DNMT3B: variants seen among roughly 807,000 people sequenced by gnomAD.
DNMT3B encodes the protein DNA methyltransferase 3 beta.
DNMT3B carries 37 observed loss-of-function variants against 120.2 expected under a neutral mutation model. The observed-to-expected ratio is 0.31, with a 90% CI of 0.24 to 0.40. The LOEUF is 0.40. Among genes scored for constraint, DNMT3B ranks in the 10% least tolerant of loss-of-function variants. DNMT3B has a pLI of 1.00. For synonymous variants in DNMT3B, 412 were observed against 442.8 expected (o/e 0.93, Z 0.87); for missense variants, 878 against 1,137.3 (o/e 0.77, Z 3.28).
intron 22 of DNMT3B, 87 bp downstream of exon 22, chr20:32,806,414 A>G: frequency 8.2e-7 from 1 of 1,225,404 alleles, no homozygotes; most frequent in Non-Finnish European, 1.2e-6. Context: ...TTCATTCTTG[A>G]TGGCCTCACT....
intron 4 of DNMT3B, 86 bp from the exon 5 acceptor site, chr20:32,786,416 C>T (rs1279404193): frequency 6.3e-7 from 1 of 1,597,084 alleles, no homozygotes; most frequent in East Asian, 2.2e-5. Flanking sequence ...TCTCCTTGGC[C>T]ACCTGAAGGC....
chr20:32,776,943 G>C (rs969848279), intron 1 of DNMT3B, among the ~76,000 whole-genome samples: 12 of 152,168 alleles, frequency 7.9e-5, no homozygotes, highest in East Asian at 1.9e-4. Flanking sequence ...GAAGCGGGGT[G>C]GGGGAGGAAC....
intron 8 of DNMT3B, 146 bp downstream of exon 8, chr20:32,791,854 G>A (rs1254427968): frequency 2.4e-6 from 2 of 826,798 alleles, no homozygotes; most frequent in Non-Finnish European, 4.0e-6. Flanking sequence ...TAACATGATG[G>A]CCACCGGATT....
rs201465442 is a variant in DNMT3B, at chr20:32,796,822, G to A, written c.1330G>A (p.Val444Met). Residue 444 changes from valine (V) to methionine (M), a missense_variant, in exon 13 of 23, where the codon GTG becomes ATG. This residue lies in a region of DNMT3B where 207 missense variants were observed against 222.6 expected (regional missense o/e 0.93). Coordinates refer to ENST00000328111, the MANE Select transcript of DNMT3B (RefSeq NM_006892.4). ...GCLSCGRKNP[V>M]SFHPLFEGGL... ...TTTGTCTTGTGGCAGGAAAAACCCCGTGTCCTTCCACCCTCTCTTTGAGGG... is the reference window on the plus strand; with the variant it reads ...TTTGTCTTGTGGCAGGAAAAACCCCATGTCCTTCCACCCTCTCTTTGAGGG... 104 of 1,613,994 alleles carry A rather than the reference G, an allele frequency of 6.4e-5. No homozygotes were observed. The highest frequency in any genetic ancestry group is 4.9e-4 in the Middle Eastern group (3 of 6,076).
At chr20:32,786,425 G>A in intron 4 of DNMT3B, 77 bp from the exon 5 acceptor site, 2 of 1,607,568 alleles carry the variant, frequency 1.2e-6, no homozygotes, top group South Asian at 1.1e-5. Context: ...CCACCTGAAG[G>A]CCTAATCCTT....
At chr20:32,769,146 G>A (rs751526739) in intron 1 of DNMT3B, among the ~76,000 whole-genome samples, 20 of 151,682 alleles carry the variant, frequency 1.3e-4, no homozygotes, top group Admixed American at 3.9e-4. Context: ...GTGCAGTGGC[G>A]AGATCTCGGC....
At chr20:32,771,439 G>A (rs1012459145) in intron 1 of DNMT3B, among the ~76,000 whole-genome samples, 4 of 152,012 alleles carry the variant, frequency 2.6e-5, no homozygotes, top group Admixed American at 6.6e-5. Context: ...TCAGGAGTTC[G>A]AGACCAGCCT....
At chr20:32,782,983 C>T (rs1978807082) in intron 3 of DNMT3B, among the ~76,000 whole-genome samples, 1 of 152,134 alleles carries the variant, frequency 6.6e-6, no homozygotes, top group Non-Finnish European at 1.5e-5. Flanking sequence ...AGTGCAATGG[C>T]ATGATCTCTG....
rs776367099 is a variant in DNMT3B at position 32,784,726 on chromosome 20, C to CTTCATCATG, written c.205-20_205-12dup. 4 of 1,611,560 alleles carry CTTCATCATG rather than the reference C, an allele frequency of 2.5e-6. No individual in the cohort carries two copies. In the South Asian group the frequency reaches 4.4e-5, roughly 18 times the overall value. On this transcript the variant is annotated intron_variant, in intron 3 of 22. Coordinates refer to ENST00000328111, the MANE Select transcript of DNMT3B (RefSeq NM_006892.4). ...CTTTGACTTGCTGATACCCTGGGGT[C>CTTCATCATG]TTCATCATGTTCATCATGTTTCCTT...
intron 15 of DNMT3B, among the ~76,000 whole-genome samples, 171 bp downstream of exon 15, chr20:32,798,814 G>C (rs2424923): frequency 0.012 from 1,849 of 152,348 alleles, 34 homozygotes; most frequent in African/African-American, 0.041. Flanking sequence ...GTTTTCAGCC[G>C]TGCCAGGGTT....
intron 20 of DNMT3B, among the ~76,000 whole-genome samples, chr20:32,803,579 T>G (rs1314080988): frequency 2.0e-5 from 3 of 152,218 alleles, no homozygotes; most frequent in Non-Finnish European, 4.4e-5. Context: ...ATGTCGATAG[T>G]GACATGCCGA....
At chr20:32,800,781 A>T in intron 17 of DNMT3B, 54 bp from the exon 18 acceptor site, 1 of 1,590,016 alleles carries the variant, frequency 6.3e-7, no homozygotes, top group Non-Finnish European at 8.6e-7. Context: ...AAGTGGGTCC[A>T]GCTCTCTTTC....
At chr20:32,771,976 T>C (rs1192181221) in intron 1 of DNMT3B, among the ~76,000 whole-genome samples, 2 of 152,236 alleles carry the variant, frequency 1.3e-5, no homozygotes, top group Non-Finnish European at 2.9e-5. Context: ...GAAGAAATGC[T>C]GCAGAGAAAT....
chr20:32,774,830 C>T (rs918273782), intron 1 of DNMT3B, among the ~76,000 whole-genome samples: 20 of 152,062 alleles, frequency 1.3e-4, no homozygotes, highest in African/African-American at 4.8e-4. Flanking sequence ...AGTGATTATC[C>T]TGCCCAGCCT....
intron 1 of DNMT3B, among the ~76,000 whole-genome samples, chr20:32,767,295 G>A (rs371967878): frequency 5.3e-5 from 8 of 150,510 alleles, no homozygotes; most frequent in East Asian, 1.9e-4. Flanking sequence ...TCGTGTTCCC[G>A]CCAATATTAA....
At chr20:32,790,979 A>G (rs1979910876) in intron 7 of DNMT3B, among the ~76,000 whole-genome samples, 2 of 152,184 alleles carry the variant, frequency 1.3e-5, no homozygotes, top group South Asian at 4.1e-4. Flanking sequence ...TCTGATTAGC[A>G]TCCCTGAATG....
At chr20:32,798,328 C>T (rs1490247538) in intron 14 of DNMT3B, 132 bp from the exon 15 acceptor site, 3 of 1,153,030 alleles carry the variant, frequency 2.6e-6, no homozygotes, top group Non-Finnish European at 3.8e-6. Flanking sequence ...GCCCCGCAGG[C>T]TATGCTGTTA....
intron 7 of DNMT3B, 75 bp from the exon 8 acceptor site, chr20:32,791,526 A>T: frequency 7.0e-7 from 1 of 1,418,678 alleles, no homozygotes; most frequent in South Asian, 1.2e-5. Flanking sequence ...TCTGCATCTG[A>T]TGGACAACAT....
chr20:32,783,549 C>T (rs891675812), intron 3 of DNMT3B, among the ~76,000 whole-genome samples: 12 of 152,112 alleles, frequency 7.9e-5, no homozygotes, highest in Middle Eastern at 3.4e-3. Context: ...AACTCACCCT[C>T]AGCTTCCATT....
Sources: gnomAD v4.1 joint callset for allele counts (sites outside exome capture counted in the v4.1 genomes callset) on GRCh38, gnomAD v4.1.1 for gene constraint, gnomAD v4.1.1 regional missense constraint, MANE v1.5 for transcripts, NCBI Gene and HGNC (gene_info 2026-07-23, HGNC 2026-07-21) for gene names.